GLDN: variants seen among roughly 807,000 people sequenced by gnomAD.
GLDN encodes collomin.
Under a neutral mutation model 56.5 loss-of-function variants are expected in GLDN, and 47 were observed. That is an observed-to-expected ratio of 0.83 (90% CI 0.66 to 1.06). The LOEUF is 1.06. GLDN is among the 50% of genes least tolerant of loss of function. GLDN has a pLI of 0.00. For synonymous variants in GLDN, 332 were observed against 278.8 expected (o/e 1.19, Z -1.90); for missense variants, 782 against 714.3 (o/e 1.09, Z -1.08).
intron 4 of GLDN, among the ~76,000 whole-genome samples, chr15:51,390,061 C>T (rs368807162): frequency 5.3e-4 from 81 of 152,282 alleles, no homozygotes; most frequent in African/African-American, 1.9e-3. Context: ...AGAGCTGGAG[C>T]CAGATGGTTT....
rs926458632 is a variant in GLDN, at chr15:51,397,532, G to A, written c.751G>A (p.Gly251Arg). 6.2e-7 allele frequency: 1 copy of A among 1,601,984 alleles called. No individual in the cohort carries two copies. Among genetic ancestry groups the A allele is most frequent in the African/African-American group, 1.3e-5 (1 of 74,606 alleles). ...PGPPGPPGPP[G>R]PPGSRRAKGP... ...GCCCCCAGGCCCTCCAGGTCCTCCA[G>A]GGCCCCCTGGAAGCAGAAGAGCCAA... The change falls in exon 6 of 10, where the codon GGG (glycine) becomes AGG (arginine). Residue 251 changes from glycine (G) to arginine (R), a missense_variant. By Grantham distance (125) the Gly-to-Arg change is moderately radical (BLOSUM62 -2). Coordinates refer to ENST00000335449, the MANE Select transcript of GLDN (RefSeq NM_181789.4).
chr15:51,347,179 A>C (rs966853886), intron 1 of GLDN, among the ~76,000 whole-genome samples: 4 of 152,234 alleles, frequency 2.6e-5, no homozygotes, highest in African/African-American at 9.6e-5. Flanking sequence ...TAATAGGAAA[A>C]TCAGCAACAG....
At chr15:51,399,459 A>T (rs951041500) in intron 6 of GLDN, among the ~76,000 whole-genome samples, 1 of 152,072 alleles carries the variant, frequency 6.6e-6, no homozygotes, top group Non-Finnish European at 1.5e-5. Flanking sequence ...GCCCTAAGGC[A>T]CCTCTTCACC....
intron 1 of GLDN, among the ~76,000 whole-genome samples, chr15:51,356,078 G>A (rs551204723): frequency 8.6e-5 from 13 of 151,670 alleles, no homozygotes; most frequent in South Asian, 2.1e-4. Flanking sequence ...GTGGTGGTGC[G>A]TGCCCGTGGT....
At chr15:51,350,003 A>G (rs2037047639) in intron 1 of GLDN, among the ~76,000 whole-genome samples, 1 of 152,028 alleles carries the variant, frequency 6.6e-6, no homozygotes, top group African/African-American at 2.4e-5. Context: ...TCAGCCTCCC[A>G]AAGTGCTGAG....
chr15:51,383,372 G>A (rs920026354), intron 2 of GLDN, 64 bp from the exon 3 acceptor site: 34 of 1,549,394 alleles, frequency 2.2e-5, no homozygotes, highest in Non-Finnish European at 2.9e-5. Flanking sequence ...TTTGAAGGTC[G>A]GGGGTGCTCT....
rs564589479 is a variant in GLDN at position 51,383,902 on chromosome 15, G to T, written c.541+10G>T. 8.3e-6 allele frequency: 13 copies of T among 1,557,188 alleles called. No individual in the cohort carries two copies. Among genetic ancestry groups the T allele is most frequent in the Admixed American group, 1.8e-5 (1 of 55,820 alleles). Reference sequence around the variant, plus strand: ...AAAAGAGGAAAAATGGGTATTTTTGGCAACTCTTCTAATTAATTTCCCTGT... The same window carrying T: ...AAAAGAGGAAAAATGGGTATTTTTGTCAACTCTTCTAATTAATTTCCCTGT... On this transcript the variant is annotated intron_variant, in intron 4 of 9. Transcript: ENST00000335449.
At chr15:51,403,653 A>T (rs2038305230) in intron 9 of GLDN, among the ~76,000 whole-genome samples, 1 of 152,168 alleles carries the variant, frequency 6.6e-6, no homozygotes, top group South Asian at 2.1e-4. Context: ...TTCACAAGAA[A>T]ATGGTTTTCA....
At chr15:51,344,157 G>A (rs2036936185) in intron 1 of GLDN, among the ~76,000 whole-genome samples, 1 of 152,180 alleles carries the variant, frequency 6.6e-6, no homozygotes, top group African/African-American at 2.4e-5. Flanking sequence ...GTTGCCTACT[G>A]GAACTATTTG....
Position 51,404,414 on chromosome 15 carries a change from C to T in GLDN, c.1316C>T (p.Ala439Val), listed in dbSNP as rs138258126. The change falls in exon 10 of 10, where the codon GCG becomes GTG. Residue 439 changes from alanine to valine, a missense_variant. By Grantham distance (64) the Ala-to-Val change is moderately conservative. Transcript: ENST00000335449. ...VDEKGLWIIYASSVDGSSILV... is the reference protein window; with the variant it reads ...VDEKGLWIIYVSSVDGSSILV... ...GAAAAGGGCCTTTGGATTATCTATG[C>T]GTCAAGTGTGGACGGCTCGAGCATT... 7.2e-5 allele frequency: 116 copies of T among 1,614,096 alleles called. 1 individual carries two copies. The Admixed American group carries it at 1.7e-3, about 24-fold the overall frequency.
At chr15:51,379,527 C>T (rs542844202) in intron 2 of GLDN, among the ~76,000 whole-genome samples, 6 of 152,352 alleles carry the variant, frequency 3.9e-5, no homozygotes, top group African/African-American at 1.4e-4. Context: ...CTGCTGAGCA[C>T]AGCCTCATAG....
intron 1 of GLDN, among the ~76,000 whole-genome samples, chr15:51,357,313 A>G (rs1437168489): frequency 6.6e-6 from 1 of 152,236 alleles, no homozygotes. Flanking sequence ...CTGTGAGACC[A>G]TGAATCCTTC....
chr15:51,404,041 A>G lies in GLDN; in HGVS notation c.1179-236A>G, dbSNP rs1595843345. Among the ~76,000 whole-genome samples, 3 of 151,948 alleles carry G rather than the reference A, an allele frequency of 2.0e-5. 1 individual carries two copies. The South Asian group carries it at 6.2e-4, about 32-fold the overall frequency. ...ACTTTGGTGATTATTCTGACACCACACCACTGTCTCCCTGTTGCCTCTGCT... is the reference window on the plus strand; with the variant it reads ...ACTTTGGTGATTATTCTGACACCACGCCACTGTCTCCCTGTTGCCTCTGCT... On this transcript the variant is annotated intron_variant, in intron 9 of 9. Transcript: ENST00000335449.
chr15:51,345,264 C>A (rs1350415212), intron 1 of GLDN, among the ~76,000 whole-genome samples: 3 of 152,156 alleles, frequency 2.0e-5, no homozygotes, highest in Non-Finnish European at 2.9e-5. Context: ...GGGTCAAGCA[C>A]CCAGAGGGAG....
In GLDN at chr15:51,394,893, A is replaced by C; in HGVS notation, c.600A>C (p.Glu200Asp). 1 of 1,613,676 alleles carries C rather than the reference A, an allele frequency of 6.2e-7. No individual in the cohort carries two copies. The highest frequency in any genetic ancestry group is 8.5e-7 in the Non-Finnish European group (1 of 1,179,742). Reference protein sequence around the residue: ...GERGEKGDHGELGLQGNEGPP... With the variant: ...GERGEKGDHGDLGLQGNEGPP... ...GGGGAGAAAAGGGAGACCATGGTGA[A>C]CTGGGCCTGCAGGGAAATGAGGGCC... The change falls in exon 5 of 10, where the codon GAA (glutamate) becomes GAC (aspartate). Residue 200 changes from glutamate to aspartate, a missense_variant. Physicochemically the swap from Glu to Asp is conservative, Grantham distance 45. Coordinates refer to ENST00000335449, the MANE Select transcript of GLDN (RefSeq NM_181789.4).
chr15:51,377,847 G>C (rs2037668654), intron 2 of GLDN, among the ~76,000 whole-genome samples: 2 of 152,206 alleles, frequency 1.3e-5, no homozygotes, highest in Admixed American at 1.3e-4. Flanking sequence ...TCTTTTATCA[G>C]AAGTACTTAT....
At chr15:51,377,378 T>C (rs1309637272) in intron 1 of GLDN, 71 bp from the exon 2 acceptor site, 2 of 1,291,072 alleles carry the variant, frequency 1.5e-6, no homozygotes, top group East Asian at 4.6e-5. Context: ...TGCTTTCTGC[T>C]CGTCTGAATA....
rs139668837 is a variant in GLDN, at chr15:51,357,959, G to A, written c.363+15912G>A. On this transcript the variant is annotated intron_variant, in intron 1 of 9. Coordinates refer to ENST00000335449, the MANE Select transcript of GLDN (RefSeq NM_181789.4). ...ACCTGTCCCTAGGGACCTGTCCCTC[G>A]TACCCTGTACCCTAGGCACTATCCG... Among the ~76,000 whole-genome samples, 1,233 of 152,146 alleles carry A rather than the reference G, an allele frequency of 8.1e-3. 11 individuals carry two copies. The highest frequency in any genetic ancestry group is 0.029 in the African/African-American group (1,182 of 41,472).
intron 1 of GLDN, among the ~76,000 whole-genome samples, chr15:51,372,187 T>C (rs2037530644): frequency 6.6e-6 from 1 of 152,176 alleles, no homozygotes; most frequent in African/African-American, 2.4e-5. Flanking sequence ...TGATAACCCA[T>C]TAATCCATGA....
Sources: gnomAD v4.1 joint callset for allele counts (sites outside exome capture counted in the v4.1 genomes callset) on GRCh38, gnomAD v4.1.1 for gene constraint, MANE v1.5 for transcripts, NCBI Gene and HGNC (gene_info 2026-07-23, HGNC 2026-07-21) for gene names.